Variants in GLO1 observed in about 807,000 individuals in gnomAD.
GLO1 encodes glyoxalase I.
Under a neutral mutation model 26.0 loss-of-function variants are expected in GLO1, and 28 were observed. That is an observed-to-expected ratio of 1.08 (90% CI 0.80 to 1.48). The LOEUF (loss-of-function observed/expected upper bound fraction) is 1.48, where lower values mean the gene tolerates loss of function less well. GLO1 is among the 40% of genes most tolerant of loss of function. The pLI is 0.00. For synonymous variants in GLO1, 78 were observed against 77.6 expected (o/e 1.00, Z -0.03); for missense variants, 225 against 224.8 (o/e 1.00, Z -0.01).
chr6:38,693,434 GCT>G (rs1304474534), intron 1 of GLO1, among the ~76,000 whole-genome samples: 2 of 151,998 alleles, frequency 1.3e-5, no homozygotes, highest in African/African-American at 4.8e-5. Flanking sequence ...CAAAGAACCA[GCT>G]CTGTTTTACT....
intron 5 of GLO1, among the ~76,000 whole-genome samples, chr6:38,678,862 C>G (rs939472158): frequency 6.6e-6 from 1 of 151,448 alleles, no homozygotes; most frequent in African/African-American, 2.4e-5. Context: ...AAATTTAAGT[C>G]TCATTTCTAG....
At chr6:38,677,804 G>T (rs1159135210) in intron 5 of GLO1, among the ~76,000 whole-genome samples, 1 of 151,964 alleles carries the variant, frequency 6.6e-6, no homozygotes, top group Non-Finnish European at 1.5e-5. Context: ...AATTCTTATT[G>T]TCAGAAAAGT....
chr6:38,679,246 A>G (rs769183648), intron 5 of GLO1, among the ~76,000 whole-genome samples: 2 of 151,952 alleles, frequency 1.3e-5, no homozygotes, highest in Non-Finnish European at 2.9e-5. Context: ...CAGCCTCCCG[A>G]GTAGCTAGGC....
At chr6:38,699,962 G>A (rs1407819065) in intron 1 of GLO1, among the ~76,000 whole-genome samples, 1 of 151,918 alleles carries the variant, frequency 6.6e-6, no homozygotes, top group Non-Finnish European at 1.5e-5. Flanking sequence ...TAGTAGTTCT[G>A]CTTTTTGCCC....
intron 2 of GLO1, 138 bp from the exon 3 acceptor site, chr6:38,684,652 G>T: frequency 2.4e-6 from 1 of 419,984 alleles, no homozygotes; most frequent in Non-Finnish European, 4.0e-6. Context: ...GGAATAAGCA[G>T]GAGGAAAAAT....
intron 1 of GLO1, among the ~76,000 whole-genome samples, chr6:38,693,393 G>A (rs1472982724): frequency 6.6e-6 from 1 of 151,972 alleles, no homozygotes; most frequent in East Asian, 1.9e-4. Flanking sequence ...TGTCAGTCTT[G>A]CTACAGGTTT....
chr6:38,677,521 G>C (rs1331767957), intron 5 of GLO1, 138 bp from the exon 6 acceptor site: 2 of 604,472 alleles, frequency 3.3e-6, no homozygotes, highest in African/African-American at 1.9e-5. Context: ...AGGCAGGCTT[G>C]ACCTCCTGAG....
intron 5 of GLO1, among the ~76,000 whole-genome samples, chr6:38,680,708 A>T (rs1761359740): frequency 6.6e-6 from 1 of 152,168 alleles, no homozygotes; most frequent in Admixed American, 6.5e-5. Flanking sequence ...TGGGCAACAT[A>T]GCAGGAACTC....
chr6:38,689,249 CAA>C (rs1200785198), intron 1 of GLO1, among the ~76,000 whole-genome samples: 2 of 152,240 alleles, frequency 1.3e-5, no homozygotes, highest in South Asian at 4.1e-4. Flanking sequence ...GGGACAGACC[CAA>C]GTCGGACCTC....
chr6:38,677,348 C>T lies in GLO1; in HGVS notation c.502G>A (p.Asp168Asn). 6.4e-7 allele frequency: 1 copy of T among 1,566,772 alleles called. No individual in the cohort carries two copies. The highest frequency in any genetic ancestry group is 2.2e-5 in the East Asian group (1 of 44,630). Residue 168 changes from aspartate (D) to asparagine (N), a missense_variant, in exon 6 of 6, where the codon GAT becomes AAT. By Grantham distance (23) the Asp-to-Asn change is conservative. Coordinates refer to ENST00000373365, the MANE Select transcript of GLO1 (RefSeq NM_006708.3). ...MKGLAFIQDP[D>N]GYWIEILNPN... ...TTCAAAATTTCAATCCAGTAGCCAT[C>T]AGGATCTTGAATAAATGCCAGGCCT...
chr6:38,689,013 C>T (rs1761496583), intron 1 of GLO1, among the ~76,000 whole-genome samples: 1 of 152,200 alleles, frequency 6.6e-6, no homozygotes, highest in Non-Finnish European at 1.5e-5. Flanking sequence ...AGGGGCCAAC[C>T]TGCAGGTGCT....
chr6:38,703,037 G>T lies in GLO1; in HGVS notation c.18C>A (p.Pro6=). The T allele has an allele frequency of 6.3e-7, 1 of 1,591,380 alleles. No homozygotes were observed. The highest frequency in any genetic ancestry group is 1.1e-5 in the South Asian group (1 of 90,340). Residue 6 remains proline (P), a synonymous_variant, in exon 1 of 6, where the codon CCC becomes CCA. Transcript: ENST00000373365. ...CCTCGTCCGTGAGGCCGCCGGACGGGGGCTGCGGTTCTGCCATGGCTGCGC... is the reference window on the plus strand; with the variant it reads ...CCTCGTCCGTGAGGCCGCCGGACGGTGGCTGCGGTTCTGCCATGGCTGCGC... MAEPQ[P]PSGGLTDEAA...
chr6:38,693,685 C>CTCTATATA lies in GLO1; in HGVS notation c.85-6712_85-6711insTATATAGA, dbSNP rs869232489. On this transcript the variant is annotated intron_variant, in intron 1 of 5. Coordinates refer to ENST00000373365, the MANE Select transcript of GLO1 (RefSeq NM_006708.3). ...TCTCTCTCTCTCTCTCTCTCTCTCTCTATATATATATATATATATATTTGT... is the reference window on the plus strand; with the variant it reads ...TCTCTCTCTCTCTCTCTCTCTCTCTCTCTATATATATATATATATATATATATATTTGT... Among the ~76,000 whole-genome samples, 551 of 86,338 alleles carry CTCTATATA rather than the reference C, an allele frequency of 6.4e-3. 4 individuals are homozygous for CTCTATATA. The highest frequency in any genetic ancestry group is 0.023 in the African/African-American group (512 of 22,540). The allele number at this position is 86,338 out of a possible 152,430, so 56.6% of individuals were successfully genotyped here. A position where few individuals can be genotyped will look rare whatever the true frequency, so the allele number is the denominator to read the frequency against.
At chr6:38,687,073 C>G in intron 1 of GLO1, 99 bp from the exon 2 acceptor site, 2 of 1,491,388 alleles carry the variant, frequency 1.3e-6, no homozygotes, top group Non-Finnish European at 1.8e-6. Context: ...AATTGTTAAC[C>G]TACCACCTAC....
intron 5 of GLO1, among the ~76,000 whole-genome samples, chr6:38,678,610 T>C (rs1761313955): frequency 6.6e-6 from 1 of 152,146 alleles, no homozygotes; most frequent in African/African-American, 2.4e-5. Context: ...CTCACTGCTG[T>C]GTGCATCGGC....
chr6:38,687,229 G>C, intron 1 of GLO1: 1 of 306,218 alleles, frequency 3.3e-6, no homozygotes, highest in Non-Finnish European at 4.8e-6. Flanking sequence ...CCCTTGGTGG[G>C]ACAATTCAGA....
intron 5 of GLO1, 39 bp downstream of exon 5, chr6:38,681,973 A>G (rs370406529): frequency 1.1e-4 from 108 of 1,016,286 alleles, no homozygotes; most frequent in Non-Finnish European, 1.4e-4. Flanking sequence ...GTAAATATCA[A>G]CTAAAGACAG....
At chr6:38,683,970 G>A (rs1761426385) in intron 3 of GLO1, among the ~76,000 whole-genome samples, 1 of 152,188 alleles carries the variant, frequency 6.6e-6, no homozygotes, top group African/African-American at 2.4e-5. Context: ...AGCAGTCTGG[G>A]AGGCCGAGGC....
At chr6:38,683,072 G>A in intron 3 of GLO1, 197 bp from the exon 4 acceptor site, 1 of 534,994 alleles carries the variant, frequency 1.9e-6, no homozygotes, top group Non-Finnish European at 3.3e-6. Flanking sequence ...TAAAGAGACA[G>A]TAAATACAGG....
Sources: gnomAD v4.1 joint callset for allele counts (sites outside exome capture counted in the v4.1 genomes callset) on GRCh38, gnomAD v4.1.1 for gene constraint, MANE v1.5 for transcripts, NCBI Gene and HGNC (gene_info 2026-07-23, HGNC 2026-07-21) for gene names.